ABCB5: variants seen among roughly 807,000 people sequenced by gnomAD.
ABCB5 encodes ATP-binding cassette sub-family B member 5.
In ABCB5, 155 loss-of-function variants were observed where a neutral mutation model predicts 144.2. The observed-to-expected ratio is 1.08, with a 90% confidence interval of 0.94 to 1.23. ABCB5 has a LOEUF of 1.23. Ranked by LOEUF, ABCB5 falls within the 50% of genes most tolerant of loss-of-function variation. The pLI, the probability that ABCB5 is intolerant of heterozygous loss-of-function variation, is 0.00. For missense variants in ABCB5, 1,830 were observed against 1,520.8 expected, an observed-to-expected ratio of 1.20 and a Z score of -3.38; for synonymous variants, 610 against 528.6, an observed-to-expected ratio of 1.15 and a Z score of -2.11.
At chr7:20,720,999 T>G (rs1781850088) in intron 20 of ABCB5, among the ~76,000 whole-genome samples, 1 of 136,786 alleles carries the variant, frequency 7.3e-6, no homozygotes, top group Non-Finnish European at 1.6e-5. Flanking sequence ...TAAAGGAGAC[T>G]AAAGAGGCCT....
At chr7:20,636,879 T>C (rs565131246) in intron 5 of ABCB5, among the ~76,000 whole-genome samples, 255 of 152,128 alleles carry the variant, frequency 1.7e-3, no homozygotes, top group African/African-American at 5.8e-3. Context: ...TATGTTAATA[T>C]TTTTGAAATA....
At chr7:20,658,720 T>C in intron 14 of ABCB5, 44 bp downstream of exon 14, 1 of 1,599,998 alleles carries the variant, frequency 6.3e-7, no homozygotes, top group Non-Finnish European at 8.5e-7. Context: ...TCCTGGTTCA[T>C]TATTGTTTTG....
chr7:20,651,467 T>A lies in ABCB5; in HGVS notation c.1380T>A (p.Tyr460Ter). Reference protein sequence around the residue: ...NDIRALNVRHYRDHIGVVSQE... With the variant: ...NDIRALNVRH The stretch of plus-strand genomic sequence containing the variant: ...TCAGAGCTTTAAATGTGCGGCATTA[T>A]CGAGACCATATTGGAGTGGTTAGTC... The change falls in exon 13 of 28, where the codon TAT (tyrosine) becomes TAA (stop). Residue 460 changes from tyrosine (Y) to a stop codon, truncating the protein, a stop_gained. Coordinates refer to ENST00000404938, the MANE Select transcript of ABCB5 (RefSeq NM_001163941.2). LOFTEE classifies it high-confidence loss of function. 6.2e-7 allele frequency: 1 copy of A among 1,614,076 alleles called. No individual in the cohort carries two copies.
Position 20,643,496 on chromosome 7 carries a change from A to G in ABCB5, c.542A>G (p.Lys181Arg), listed in dbSNP as rs369460474. 6.2e-7 allele frequency: 1 copy of G among 1,613,914 alleles called. No individual in the cohort carries two copies. The highest frequency in any genetic ancestry group is 8.5e-7 in the Non-Finnish European group (1 of 1,179,890). The change falls in exon 7 of 28, where the codon AAG becomes AGG. Residue 181 changes from lysine to arginine, a missense_variant. Transcript: ENST00000404938. Reference protein sequence around the residue: ...IDKISDGIGDKIALLFQNMST... With the variant: ...IDKISDGIGDRIALLFQNMST... The stretch of plus-strand genomic sequence containing the variant: ...AAAATCAGTGATGGTATTGGAGATA[A>G]GATTGCTCTGTTGTTTCAAAACATG...
chr7:20,752,951 G>T (rs1331946478), intron 26 of ABCB5, among the ~76,000 whole-genome samples: 1 of 152,178 alleles, frequency 6.6e-6, no homozygotes, highest in African/African-American at 2.4e-5. Flanking sequence ...CTCAGCAAGA[G>T]CCAAAGTGAA....
chr7:20,738,983 A>G lies in ABCB5; in HGVS notation c.2868A>G (p.Ile956Met), dbSNP rs1025290662. 1.3e-6 allele frequency: 2 copies of G among 1,591,170 alleles called. No individual in the cohort carries two copies. Among genetic ancestry groups the G allele is most frequent in the Admixed American group, 1.8e-5 (1 of 55,548 alleles). The change falls in exon 24 of 28, where the codon ATA becomes ATG. Residue 956 changes from isoleucine (I) to methionine (M), a missense_variant and splice_region_variant. By Grantham distance (10) the Ile-to-Met change is conservative. Coordinates refer to ENST00000404938, the MANE Select transcript of ABCB5 (RefSeq NM_001163941.2). ...AGRMTPEGMF[I>M]VFTAIAYGAM... is the part of the protein sequence containing the mutation. ...ATTCAAATGCTTTATCTTTTGATAG[A>G]GTTTTTACTGCAATTGCATATGGAG...
At chr7:20,723,267 A>C (rs2128049854) in intron 21 of ABCB5, 48 bp downstream of exon 21, 1 of 1,567,794 alleles carries the variant, frequency 6.4e-7, no homozygotes, top group Non-Finnish European at 8.7e-7. Flanking sequence ...AGAGAAAAAC[A>C]GTCAGAACTT....
chr7:20,755,412 C>G lies in ABCB5; in HGVS notation c.3577-15C>G, dbSNP rs1783056310. The stretch of plus-strand genomic sequence containing the variant: ...CTAACTCAAACTGGTGATCACAGGT[C>G]TTTCTCTCTTCCAGGTGGTTCAGCA... On this transcript the variant is annotated splice_polypyrimidine_tract_variant and intron_variant, in intron 27 of 27. Transcript: ENST00000404938. 1.9e-6 allele frequency: 3 copies of G among 1,612,916 alleles called. No homozygotes were observed. In the African/African-American group the frequency reaches 4.0e-5, roughly 22 times the overall value.
intron 5 of ABCB5, among the ~76,000 whole-genome samples, 174 bp from the exon 6 acceptor site, chr7:20,643,010 A>G (rs1784326564): frequency 6.6e-6 from 1 of 152,238 alleles, no homozygotes; most frequent in African/African-American, 2.4e-5. Flanking sequence ...ATGTTTTACC[A>G]GGAAACCTAG....
intron 23 of ABCB5, among the ~76,000 whole-genome samples, chr7:20,734,338 G>A (rs1782316375): frequency 6.6e-6 from 1 of 151,348 alleles, no homozygotes; most frequent in Non-Finnish European, 1.5e-5. Flanking sequence ...AAAGCACTTT[G>A]AGCCATTCTC....
At chr7:20,635,296 G>T (rs936460565) in intron 5 of ABCB5, among the ~76,000 whole-genome samples, 1 of 150,722 alleles carries the variant, frequency 6.6e-6, no homozygotes, top group African/African-American at 2.4e-5. Context: ...TGATATTTTC[G>T]TTACTATAGC....
intron 26 of ABCB5, among the ~76,000 whole-genome samples, chr7:20,751,991 G>A (rs775559589): frequency 7.2e-5 from 11 of 152,150 alleles, no homozygotes; most frequent in South Asian, 2.1e-4. Flanking sequence ...TTGAGATGAC[G>A]TAGACACATT....
At position 20,728,309 on chromosome 7, in the gene ABCB5, T is replaced by C. The variant is rs375727209; in HGVS notation, c.2727-6T>C. 7.4e-6 allele frequency: 12 copies of C among 1,613,582 alleles called. No individual in the cohort carries two copies. Among genetic ancestry groups the C allele is most frequent in the Non-Finnish European group, 1.0e-5 (12 of 1,179,750 alleles). Reference sequence around the variant, plus strand: ...CTCATTATTTGGTAAATTTTGTACATTCCAGAAATACCTCGAAGAAAGCAC... The same window carrying C: ...CTCATTATTTGGTAAATTTTGTACACTCCAGAAATACCTCGAAGAAAGCAC... On this transcript the variant is annotated splice_region_variant and splice_polypyrimidine_tract_variant and intron_variant, in intron 22 of 27. Coordinates refer to ENST00000404938, the MANE Select transcript of ABCB5 (RefSeq NM_001163941.2).
At chr7:20,720,170 G>A (rs990597653) in intron 20 of ABCB5, among the ~76,000 whole-genome samples, 2 of 152,138 alleles carry the variant, frequency 1.3e-5, no homozygotes. Flanking sequence ...TTCCAAAACT[G>A]ATAGGTATAT....
At chr7:20,637,278 C>A (rs1784179326) in intron 5 of ABCB5, among the ~76,000 whole-genome samples, 1 of 151,986 alleles carries the variant, frequency 6.6e-6, no homozygotes, top group African/African-American at 2.4e-5. Context: ...AAGTCTATGC[C>A]CCTGTCTAAT....
At position 20,647,598 on chromosome 7, in the gene ABCB5, T is replaced by C; in HGVS notation, c.1045T>C (p.Phe349Leu). 6.3e-7 allele frequency: 1 copy of C among 1,589,370 alleles called. No homozygotes were observed. Among genetic ancestry groups the C allele is most frequent in the Non-Finnish European group, 8.6e-7 (1 of 1,166,394 alleles). ...IGAAVPHFET[F>L]AIARGAAFHI... Reference sequence around the variant, plus strand: ...AGCAGCAGTCCCTCACTTTGAAACCTTCGCAATAGCCCGAGGAGCTGCCTT... The same window carrying C: ...AGCAGCAGTCCCTCACTTTGAAACCCTCGCAATAGCCCGAGGAGCTGCCTT... The change falls in exon 10 of 28, where the codon TTC (phenylalanine) becomes CTC (leucine). Residue 349 changes from phenylalanine (F) to leucine (L), a missense_variant. Transcript: ENST00000404938.
chr7:20,658,760 A>C, intron 14 of ABCB5, 84 bp downstream of exon 14: 1 of 1,481,300 alleles, frequency 6.8e-7, no homozygotes. Context: ...TCTGTAATAG[A>C]TTACTCAAGT....
chr7:20,644,649 A>C (rs1008221944), intron 7 of ABCB5, among the ~76,000 whole-genome samples: 1 of 152,200 alleles, frequency 6.6e-6, no homozygotes, highest in Non-Finnish European at 1.5e-5. Context: ...AAATTCTACC[A>C]TTGTATATAC....
chr7:20,700,583 C>T (rs1157607449), intron 19 of ABCB5, among the ~76,000 whole-genome samples: 3 of 152,214 alleles, frequency 2.0e-5, no homozygotes, highest in Admixed American at 6.5e-5. Flanking sequence ...ATCTCTCTGC[C>T]TTTATCAGAA....
Sources: gnomAD v4.1 joint callset for allele counts (sites outside exome capture counted in the v4.1 genomes callset) on GRCh38, gnomAD v4.1.1 for gene constraint, MANE v1.5 for transcripts, NCBI Gene and HGNC (gene_info 2026-07-23, HGNC 2026-07-21) for gene names.